Variants in EFL1 observed in about 807,000 individuals in gnomAD.
EFL1 encodes the protein elongation factor like GTPase 1, also known as elongation factor-like GTPase 1.
Under a neutral mutation model 126.7 loss-of-function variants are expected in EFL1, and 76 were observed. The observed-to-expected ratio is 0.60, with a 90% CI of 0.50 to 0.73. The LOEUF (loss-of-function observed/expected upper bound fraction) is 0.73. EFL1 is among the 30% of genes least tolerant of loss of function. EFL1 has a pLI of 0.00. For missense variants in EFL1, 1,128 were observed against 1,343.2 expected, an observed-to-expected ratio of 0.84 and a Z score of 2.50; for synonymous variants, 410 against 448.4, an observed-to-expected ratio of 0.91 and a Z score of 1.08.
chr15:82,130,448 C>T lies in EFL1; in HGVS notation c.3288G>A (p.Lys1096=), dbSNP rs202110057. Residue 1096 remains lysine (K), a synonymous_variant, in exon 20 of 20, where the codon AAG becomes AAA. Transcript: ENST00000268206. Reference sequence around the variant, plus strand: ...TTTCTTCCACATAAAGCCCCTTCCGCTTTCGTACTGCGTTCATGTACTTCC... The same window carrying T: ...TTTCTTCCACATAAAGCCCCTTCCGTTTTCGTACTGCGTTCATGTACTTCC... ...QARKYMNAVR[K]RKGLYVEEKI... 3.8e-5 allele frequency: 62 copies of T among 1,614,086 alleles called. No individual in the cohort carries two copies. The highest frequency in any genetic ancestry group is 4.7e-5 in the Non-Finnish European group (55 of 1,180,044).
At chr15:82,230,642 AC>A (rs1277040511) in intron 8 of EFL1, among the ~76,000 whole-genome samples, 1 of 152,220 alleles carries the variant, frequency 6.6e-6, no homozygotes, top group Non-Finnish European at 1.5e-5. Flanking sequence ...TTCTTTGCTC[AC>A]TATACTTAAA....
chr15:82,190,387 CAAG>C (rs2074347097), intron 15 of EFL1, among the ~76,000 whole-genome samples: 1 of 152,050 alleles, frequency 6.6e-6, no homozygotes, highest in Non-Finnish European at 1.5e-5. Context: ...CTATTTTGTA[CAAG>C]AAGTCTGTTT....
At chr15:82,213,516 A>G (rs2074610795) in intron 15 of EFL1, among the ~76,000 whole-genome samples, 1 of 152,220 alleles carries the variant, frequency 6.6e-6, no homozygotes, top group Non-Finnish European at 1.5e-5. Flanking sequence ...AATGCATGCC[A>G]CAGTCTCATC....
chr15:82,157,944 A>C, intron 16 of EFL1, 84 bp from the exon 17 acceptor site: 1 of 1,363,736 alleles, frequency 7.3e-7, no homozygotes, highest in Non-Finnish European at 9.9e-7. Flanking sequence ...CTGAAGGGAA[A>C]ATTACATTGA....
In EFL1 at chr15:82,176,181, A is replaced by G. The variant is rs1051322120; in HGVS notation, c.1751-12197T>C. Among the ~76,000 whole-genome samples the G allele has an allele frequency of 3.9e-5, 6 of 152,204 alleles. 1 individual carries two copies. The South Asian group carries it at 1.2e-3, about 32-fold the overall frequency. On this transcript the variant is annotated intron_variant, in intron 15 of 19. Coordinates refer to ENST00000268206, the MANE Select transcript of EFL1 (RefSeq NM_024580.6). ...GACTCCCACCTGACCTCTGTTACAA[A>G]AACCAATGTCAGACGGATTGCAGAT...
intron 15 of EFL1, among the ~76,000 whole-genome samples, chr15:82,209,202 A>G (rs577604749): frequency 6.6e-6 from 1 of 152,260 alleles, no homozygotes; most frequent in Non-Finnish European, 1.5e-5. Context: ...TTAAGAACCA[A>G]ATTCTACTGA....
At chr15:82,206,225 A>C (rs1220595626) in intron 15 of EFL1, among the ~76,000 whole-genome samples, 1 of 152,246 alleles carries the variant, frequency 6.6e-6, no homozygotes, top group African/African-American at 2.4e-5. Context: ...ACCAAATCTC[A>C]ATTAGAAAAT....
intron 16 of EFL1, among the ~76,000 whole-genome samples, chr15:82,160,373 C>T (rs982932124): frequency 5.9e-5 from 9 of 152,092 alleles, no homozygotes; most frequent in Non-Finnish European, 1.2e-4. Context: ...AAATTCCAGA[C>T]CAAGGGAACT....
At chr15:82,259,249 GT>G in intron 2 of EFL1, 94 bp from the exon 3 acceptor site, 3 of 1,119,338 alleles carry the variant, frequency 2.7e-6, no homozygotes, top group Non-Finnish European at 4.0e-6. Flanking sequence ...ATAAGAATTG[GT>G]TTAGTAAAGA....
At chr15:82,181,621 C>CGTGTGTGTGT (rs1567053388) in intron 15 of EFL1, among the ~76,000 whole-genome samples, 3 of 94,090 alleles carry the variant, frequency 3.2e-5, no homozygotes, top group African/African-American at 1.9e-4. Context: ...TATGTGTGTG[C>CGTGTGTGTGT]ATGTGTGTGT....
chr15:82,220,030 G>A lies in EFL1; in HGVS notation c.1444+48C>T, dbSNP rs760398125. Reference sequence around the variant, plus strand: ...CTAAAGGATGAGTGTCCCAAGTTAAGCAAAAAGGCAAATACTTTGCAACAG... The same window carrying A: ...CTAAAGGATGAGTGTCCCAAGTTAAACAAAAAGGCAAATACTTTGCAACAG... On this transcript the variant is annotated intron_variant, in intron 13 of 19. Coordinates refer to ENST00000268206, the MANE Select transcript of EFL1 (RefSeq NM_024580.6). 108 of 1,546,636 alleles carry A rather than the reference G, an allele frequency of 7.0e-5. No individual in the cohort carries two copies. The South Asian group carries it at 1.3e-3, about 19-fold the overall frequency.
intron 15 of EFL1, among the ~76,000 whole-genome samples, chr15:82,213,755 C>T (rs534613958): frequency 6.6e-6 from 1 of 152,278 alleles, no homozygotes; most frequent in Middle Eastern, 3.4e-3. Context: ...GCTGTGGCAG[C>T]TTAATAAGAT....
intron 7 of EFL1, among the ~76,000 whole-genome samples, chr15:82,237,759 A>AC (rs1290606079): frequency 2.0e-5 from 3 of 151,874 alleles, no homozygotes; most frequent in African/African-American, 7.3e-5. Flanking sequence ...AAAAAAAAAA[A>AC]ACACCAGATG....
At chr15:82,253,058 A>C (rs1186485548) in intron 3 of EFL1, among the ~76,000 whole-genome samples, 1 of 148,272 alleles carries the variant, frequency 6.7e-6, no homozygotes, top group African/African-American at 2.5e-5. Context: ...TTTTTTTTTG[A>C]GACAGAGTCT....
rs141675106 is a variant in EFL1 at position 82,238,646 on chromosome 15, T to C, written c.517-125A>G. The C allele has an allele frequency of 3.3e-3, 2,400 of 722,580 alleles. 46 individuals are homozygous for C. The African/African-American group carries it at 0.038, about 11-fold the overall frequency. The allele number at this position is 722,580 out of a possible 1,614,324, so 44.8% of individuals were successfully genotyped here. ...TCAGTTTGGGCTCATTAAGCATACA[T>C]GAATGGAGGTGACATTCATAATCAG... On this transcript the variant is annotated intron_variant, in intron 6 of 19. Coordinates refer to ENST00000268206, the MANE Select transcript of EFL1 (RefSeq NM_024580.6).
chr15:82,252,875 TTTG>T, intron 3 of EFL1, 100 bp from the exon 4 acceptor site: 1 of 780,600 alleles, frequency 1.3e-6, no homozygotes, highest in East Asian at 2.7e-5. Context: ...TTATATTTAA[TTTG>T]TTATTTTTAT....
chr15:82,135,889 G>A (rs1170064202), intron 19 of EFL1, among the ~76,000 whole-genome samples: 2 of 152,208 alleles, frequency 1.3e-5, no homozygotes, highest in Non-Finnish European at 2.9e-5. Flanking sequence ...ATCAGTGGGA[G>A]CTAAGTGTTG....
At chr15:82,185,932 T>C (rs1203899887) in intron 15 of EFL1, among the ~76,000 whole-genome samples, 1 of 152,226 alleles carries the variant, frequency 6.6e-6, no homozygotes, top group Non-Finnish European at 1.5e-5. Flanking sequence ...ATTCCTAACT[T>C]GCTTGTTTTC....
chr15:82,212,934 G>C (rs939512008), intron 15 of EFL1, among the ~76,000 whole-genome samples: 10 of 152,200 alleles, frequency 6.6e-5, no homozygotes, highest in African/African-American at 1.9e-4. Context: ...TTCCTGCGAG[G>C]AATGTGGGTA....
Sources: gnomAD v4.1 joint callset for allele counts (sites outside exome capture counted in the v4.1 genomes callset) on GRCh38, gnomAD v4.1.1 for gene constraint, MANE v1.5 for transcripts, NCBI Gene and HGNC (gene_info 2026-07-23, HGNC 2026-07-21) for gene names.